Variants in THEMIS observed in about 807,000 individuals in gnomAD.
THEMIS encodes the protein protein THEMIS.
In THEMIS, 37 loss-of-function variants were observed where a neutral mutation model predicts 52.6. The ratio of observed to expected loss-of-function variants is 0.70; its 90% CI spans 0.54 to 0.93. The LOEUF is 0.93. Among genes scored for constraint, THEMIS ranks in the 40% least tolerant of loss-of-function variants. The probability of loss-of-function intolerance (pLI) is 0.00; values close to 1 mark genes in which losing one functional copy is unlikely to be tolerated. For synonymous variants in THEMIS, 292 were observed against 272.7 expected, an observed-to-expected ratio of 1.07 and a Z score of -0.70; for missense variants, 808 against 763.1, an observed-to-expected ratio of 1.06 and a Z score of -0.69.
intron 1 of THEMIS, among the ~76,000 whole-genome samples, chr6:127,866,736 T>C (rs1038835010): frequency 1.3e-5 from 2 of 151,818 alleles, no homozygotes; most frequent in African/African-American, 4.8e-5. Context: ...ATTATCCATT[T>C]CAGAGCACAA....
chr6:127,847,298 AG>A (rs1779251356), intron 2 of THEMIS, among the ~76,000 whole-genome samples: 1 of 152,020 alleles, frequency 6.6e-6, no homozygotes, highest in African/African-American at 2.4e-5. Context: ...ATTAGACCAG[AG>A]AAAGAAATAA....
intron 4 of THEMIS, among the ~76,000 whole-genome samples, chr6:127,771,874 A>G (rs1776397095): frequency 6.6e-6 from 1 of 152,156 alleles, no homozygotes; most frequent in African/African-American, 2.4e-5. Flanking sequence ...TACTGCAATC[A>G]GTATGGCACA....
At position 127,862,428 on chromosome 6, in the gene THEMIS, A is replaced by ATTTTTTTTT. The variant is rs71028110; in HGVS notation, c.92-7249_92-7241dup. ...GCAGGTGAAATCTCCTAGGGAGTAA[A>ATTTTTTTTT]TTTTTTTTTTTTTTTTTTTTTTGCT... On this transcript the variant is annotated intron_variant, in intron 1 of 5. Coordinates refer to ENST00000368248, the MANE Select transcript of THEMIS (RefSeq NM_001010923.3). 1.2e-3 allele frequency among the ~76,000 whole-genome samples: 87 copies of ATTTTTTTTT among 72,774 alleles called. 10 individuals are homozygous for ATTTTTTTTT. Among genetic ancestry groups the ATTTTTTTTT allele is most frequent in the Non-Finnish European group, 1.8e-3 (64 of 35,406 alleles). The allele number at this position is 72,774 out of a possible 152,430, so 47.7% of individuals were successfully genotyped here.
chr6:127,826,043 A>G (rs532388948), intron 3 of THEMIS, among the ~76,000 whole-genome samples: 1 of 152,328 alleles, frequency 6.6e-6, no homozygotes, highest in African/African-American at 2.4e-5. Context: ...AAGTAGGAAT[A>G]TAAGAGAATT....
intron 1 of THEMIS, among the ~76,000 whole-genome samples, chr6:127,886,032 G>A (rs560440176): frequency 2.6e-5 from 4 of 151,964 alleles, no homozygotes; most frequent in African/African-American, 4.8e-5. Context: ...CTCTCATATC[G>A]TTTCTGATCA....
At chr6:127,916,790 G>C (rs114643267) in intron 1 of THEMIS, among the ~76,000 whole-genome samples, 1 of 152,284 alleles carries the variant, frequency 6.6e-6, no homozygotes, top group African/African-American at 2.4e-5. Context: ...GTTGCTCACA[G>C]CCAAGGACCT....
At chr6:127,718,272 A>T (rs910827541) in intron 5 of THEMIS, among the ~76,000 whole-genome samples, 1 of 151,926 alleles carries the variant, frequency 6.6e-6, no homozygotes, top group Admixed American at 6.6e-5. Flanking sequence ...GTTAAAATCA[A>T]ATTGATCTAG....
intron 4 of THEMIS, among the ~76,000 whole-genome samples, chr6:127,790,153 T>C (rs1777110070): frequency 6.6e-6 from 1 of 152,212 alleles, no homozygotes; most frequent in Admixed American, 6.5e-5. Context: ...AAAATGTCCT[T>C]AAGCTGATAA....
intron 1 of THEMIS, chr6:127,868,525 C>T (rs1780054662): frequency 2.1e-6 from 2 of 966,638 alleles, no homozygotes; most frequent in Non-Finnish European, 2.5e-6. Context: ...ACAGATGTGC[C>T]AACATATTGA....
intron 4 of THEMIS, among the ~76,000 whole-genome samples, chr6:127,723,517 A>G (rs1260778550): frequency 6.6e-6 from 1 of 151,904 alleles, no homozygotes; most frequent in Non-Finnish European, 1.5e-5. Context: ...TTGATCTACC[A>G]CCTGTATGTT....
chr6:127,728,980 C>A (rs1159035588), intron 4 of THEMIS, among the ~76,000 whole-genome samples: 1 of 150,232 alleles, frequency 6.7e-6, no homozygotes, highest in African/African-American at 2.4e-5. Context: ...ACACTTGAAC[C>A]CCCCTCTCAC....
chr6:127,792,359 C>T (rs1219629902), intron 4 of THEMIS, among the ~76,000 whole-genome samples: 1 of 152,182 alleles, frequency 6.6e-6, no homozygotes, highest in African/African-American at 2.4e-5. Context: ...ACGGCCAAGA[C>T]ACTGTAAACC....
At chr6:127,897,511 T>C (rs1228272094) in intron 1 of THEMIS, among the ~76,000 whole-genome samples, 1 of 150,604 alleles carries the variant, frequency 6.6e-6, no homozygotes, top group Non-Finnish European at 1.5e-5. Flanking sequence ...CAAAAAAGAG[T>C]ATTTCCAAAA....
At chr6:127,746,545 A>T (rs1212032264) in intron 4 of THEMIS, among the ~76,000 whole-genome samples, 2 of 149,670 alleles carry the variant, frequency 1.3e-5, no homozygotes, top group African/African-American at 4.9e-5. Flanking sequence ...ATTTATATCA[A>T]GTAACAAATC....
intron 4 of THEMIS, among the ~76,000 whole-genome samples, chr6:127,731,559 C>T (rs9388596): frequency 1.4e-5 from 2 of 138,680 alleles, no homozygotes; most frequent in African/African-American, 2.7e-5. Context: ...ATTTTTTTTT[C>T]TAAGCATTTG....
At chr6:127,839,901 T>C (rs1264273596) in intron 2 of THEMIS, among the ~76,000 whole-genome samples, 1 of 152,028 alleles carries the variant, frequency 6.6e-6, no homozygotes, top group African/African-American at 2.4e-5. Context: ...TTTTCAAGGA[T>C]GTTGAAGATT....
upstream of THEMIS, among the ~76,000 whole-genome samples, chr6:127,903,358 G>A (rs1006215196): frequency 1.3e-5 from 2 of 151,870 alleles, no homozygotes; most frequent in Admixed American, 1.3e-4. Context: ...TTGAAGTTTG[G>A]TCATTAGAAC....
At chr6:127,803,766 C>T (rs577775258) in intron 4 of THEMIS, among the ~76,000 whole-genome samples, 2 of 152,266 alleles carry the variant, frequency 1.3e-5, no homozygotes, top group South Asian at 4.1e-4. Flanking sequence ...AAGTCCTAAG[C>T]ATGATAAGCC....
intron 1 of THEMIS, among the ~76,000 whole-genome samples, chr6:127,897,501 CAA>C (rs1296318721): frequency 6.6e-6 from 1 of 151,076 alleles, no homozygotes; most frequent in Non-Finnish European, 1.5e-5. Flanking sequence ...ACCACCTCTG[CAA>C]AAAAGAGTAT....
Sources: gnomAD v4.1 joint callset for allele counts (sites outside exome capture counted in the v4.1 genomes callset) on GRCh38, gnomAD v4.1.1 for gene constraint, MANE v1.5 for transcripts, NCBI Gene and HGNC (gene_info 2026-07-23, HGNC 2026-07-21) for gene names.